The following EPRS1 variants were observed in gnomAD, a reference collection of about 807,000 sequenced individuals.
EPRS1 encodes the protein glutamyl-prolyl-tRNA synthetase 1.
EPRS1 carries 107 observed loss-of-function variants against 188.3 expected under a neutral mutation model. The observed-to-expected ratio is 0.57, with a 90% confidence interval of 0.49 to 0.67. The LOEUF (loss-of-function observed/expected upper bound fraction) is 0.67. EPRS1 is among the 30% of genes least tolerant of loss of function. The probability of loss-of-function intolerance (pLI) is 0.00; values close to 1 mark genes in which losing one functional copy is unlikely to be tolerated. For synonymous variants in EPRS1, 596 were observed against 593.1 expected, an observed-to-expected ratio of 1.00 and a Z score of -0.07; for missense variants, 1,577 against 1,802.2, an observed-to-expected ratio of 0.88 and a Z score of 2.26.
intron 19 of EPRS1, 104 bp downstream of exon 19, chr1:219,988,486 T>C (rs1379377831): frequency 1.4e-6 from 1 of 698,494 alleles, no homozygotes; most frequent in Non-Finnish European, 2.5e-6. Flanking sequence ...AACTGAAATA[T>C]GAGTAGAAGT....
intron 11 of EPRS1, 32 bp downstream of exon 11, chr1:220,018,963 A>T: frequency 6.8e-7 from 1 of 1,468,690 alleles, no homozygotes; most frequent in Non-Finnish European, 9.5e-7. Flanking sequence ...GAAATTTCAA[A>T]CAGACAAGCT....
At chr1:220,018,150 G>C in intron 12 of EPRS1, 1 of 1,366,878 alleles carries the variant, frequency 7.3e-7, no homozygotes, top group Non-Finnish European at 9.6e-7. Context: ...CTCGCAGCTT[G>C]AAAGCAGAAA....
At chr1:219,996,825 T>C (rs1474036553) in intron 18 of EPRS1, among the ~76,000 whole-genome samples, 158 bp downstream of exon 18, 1 of 152,194 alleles carries the variant, frequency 6.6e-6, no homozygotes, top group Non-Finnish European at 1.5e-5. Context: ...GAGCTTCTTA[T>C]ATATATTTTC....
At chr1:220,032,611 A>T in intron 4 of EPRS1, 85 bp from the exon 5 acceptor site, 1 of 1,301,416 alleles carries the variant, frequency 7.7e-7, no homozygotes, top group Non-Finnish European at 1.1e-6. Flanking sequence ...GAAGTAATTG[A>T]GATGGCTTAA....
chr1:219,987,038 T>A, intron 20 of EPRS1, 104 bp downstream of exon 20: 2 of 1,235,782 alleles, frequency 1.6e-6, no homozygotes, highest in Non-Finnish European at 2.3e-6. Context: ...TAGCGTTCTC[T>A]AACTTAATGT....
In EPRS1 at chr1:220,040,269, C is replaced by G; in HGVS notation, c.47G>C (p.Gly16Ala). The G allele has an allele frequency of 6.3e-7, 1 of 1,583,056 alleles. No homozygotes were observed. The highest frequency in any genetic ancestry group is 1.1e-5 in the South Asian group (1 of 87,686). Residue 16 changes from glycine to alanine, a missense_variant and splice_region_variant, in exon 2 of 32, where the codon GGA (glycine) becomes GCA (alanine). Gly to Ala is a moderately conservative substitution (Grantham distance 60). Transcript: ENST00000366923. Reference protein sequence around the residue: ...LTVNSGDPPLGALLAVEHVKD... With the variant: ...LTVNSGDPPLAALLAVEHVKD... ...CACGTGTTCTACTGCCAGCAAAGCTCCTATAAATAATATGAAAAGATTTTT... is the reference window on the plus strand; with the variant it reads ...CACGTGTTCTACTGCCAGCAAAGCTGCTATAAATAATATGAAAAGATTTTT...
intron 16 of EPRS1, among the ~76,000 whole-genome samples, chr1:220,003,006 G>T (rs1384445215): frequency 6.6e-6 from 1 of 152,186 alleles, no homozygotes; most frequent in Non-Finnish European, 1.5e-5. Context: ...GAATGGAATT[G>T]ATGGATCAAA....
intron 1 of EPRS1, among the ~76,000 whole-genome samples, chr1:220,042,005 T>A (rs917158452): frequency 8.6e-5 from 13 of 151,614 alleles, no homozygotes; most frequent in Non-Finnish European, 1.3e-4. Context: ...CGAAAGGACA[T>A]AGAGTCTCTA....
intron 13 of EPRS1, among the ~76,000 whole-genome samples, chr1:220,009,119 T>C (rs1216192156): frequency 6.6e-6 from 1 of 152,326 alleles, no homozygotes; most frequent in Admixed American, 6.5e-5. Flanking sequence ...GCAGGTCAGA[T>C]ACTACTACTT....
intron 18 of EPRS1, among the ~76,000 whole-genome samples, chr1:219,992,083 T>C (rs993784543): frequency 3.9e-5 from 6 of 152,226 alleles, no homozygotes; most frequent in African/African-American, 7.2e-5. Context: ...TCTTTTGGCC[T>C]GAGACATCTT....
rs79565417 is a variant in EPRS1 at position 220,024,496 on chromosome 1, G to T, written c.751-40C>A. 1.0e-3 allele frequency: 1,492 copies of T among 1,465,022 alleles called. 17 individuals are homozygous for T. In the African/African-American group the frequency reaches 0.019, roughly 19 times the overall value. The allele number at this position is 1,465,022 out of a possible 1,614,324, so 90.8% of individuals were successfully genotyped here. A position where few individuals can be genotyped will look rare whatever the true frequency, so the allele number is the denominator to read the frequency against. On this transcript the variant is annotated intron_variant, in intron 7 of 31. Coordinates refer to ENST00000366923, the MANE Select transcript of EPRS1 (RefSeq NM_004446.3). ...CAAAATAACCATCAGTATATCTTTT[G>T]CATTTTTTCGTGCATTTTCAACCCT...
chr1:220,011,788 T>C (rs543308798), intron 12 of EPRS1, among the ~76,000 whole-genome samples: 9 of 152,346 alleles, frequency 5.9e-5, no homozygotes, highest in African/African-American at 2.2e-4. Context: ...CTGATGTATT[T>C]TTCTCACTTC....
rs1662125293 is a variant in EPRS1 at position 220,033,650 on chromosome 1, G to C, written c.240C>G (p.His80Gln). The C allele has an allele frequency of 6.2e-7, 1 of 1,602,230 alleles. No individual in the cohort carries two copies. ...ATTTTGTAGCACTGAACTCCAACCA[G>C]TGATCAATCTGTCAACATAAAAGAC... The part of the protein sequence containing the change: ...SNLMEHTEID[H>Q]WLEFSATKLS... The change falls in exon 4 of 32, where the codon CAC (histidine) becomes CAG (glutamine). Residue 80 changes from histidine (H) to glutamine (Q), a missense_variant. His to Gln is a conservative substitution (Grantham distance 24). Transcript: ENST00000366923.
chr1:219,973,525 AC>A lies in EPRS1; in HGVS notation c.4084-128del, dbSNP rs1163292759. 2.0e-3 allele frequency: 905 copies of A among 458,540 alleles called. 7 individuals carry two copies. The highest frequency in any genetic ancestry group is 9.7e-4 in the Non-Finnish European group (292 of 299,492). The allele number at this position is 458,540 out of a possible 1,614,324, so 28.4% of individuals were successfully genotyped here. The stretch of plus-strand genomic sequence containing the variant: ...AAAAACAAAGGCAAAGCCAAAAAAA[AC>A]AAGAGAAAAAAAAAAAACAGGTAAT... On this transcript the variant is annotated intron_variant, in intron 28 of 31. Transcript: ENST00000366923.
chr1:219,978,297 C>T (rs937168627), intron 28 of EPRS1, among the ~76,000 whole-genome samples: 5 of 152,146 alleles, frequency 3.3e-5, no homozygotes, highest in Admixed American at 6.5e-5. Context: ...CATAAACAAG[C>T]GCTCGAGATC....
intron 16 of EPRS1, among the ~76,000 whole-genome samples, chr1:220,003,965 C>G (rs563307165): frequency 1.3e-5 from 2 of 152,154 alleles, no homozygotes; most frequent in African/African-American, 2.4e-5. Flanking sequence ...GCTCAAGAGA[C>G]GCCGTAACAT....
intron 20 of EPRS1, 89 bp from the exon 21 acceptor site, chr1:219,984,346 T>G: frequency 1.2e-6 from 1 of 861,016 alleles, no homozygotes; most frequent in South Asian, 1.4e-5. Context: ...TCAAAATAGA[T>G]TAGTCTTTCT....
chr1:220,029,530 G>C (rs1249015045), intron 6 of EPRS1, among the ~76,000 whole-genome samples: 1 of 152,142 alleles, frequency 6.6e-6, no homozygotes, highest in Non-Finnish European at 1.5e-5. Context: ...ACTATAGAAA[G>C]GTGAGAACTT....
intron 30 of EPRS1, 139 bp downstream of exon 30, chr1:219,971,930 C>T (rs1982987): frequency 0.46 from 169,167 of 370,010 alleles, 39,233 homozygotes; most frequent in South Asian, 0.51. Context: ...TTTATACGTA[C>T]ATATAAATGT....
Sources: gnomAD v4.1 joint callset for allele counts (sites outside exome capture counted in the v4.1 genomes callset) on GRCh38, gnomAD v4.1.1 for gene constraint, MANE v1.5 for transcripts, NCBI Gene and HGNC (gene_info 2026-07-23, HGNC 2026-07-21) for gene names.